Variants in PTPRM observed in about 807,000 individuals in gnomAD.
PTPRM encodes the protein receptor-type tyrosine-protein phosphatase mu.
A neutral mutation model predicts 186.7 loss-of-function variants in PTPRM; 47 were observed. The ratio of observed to expected loss-of-function variants is 0.25; its 90% CI spans 0.20 to 0.32. PTPRM has a LOEUF of 0.32. PTPRM is among the 10% of genes least tolerant of loss of function. PTPRM has a pLI of 1.00. For missense variants in PTPRM, 1,494 were observed against 1,865.0 expected (o/e 0.80, Z 3.66); for synonymous variants, 668 against 674.9 (o/e 0.99, Z 0.16).
At chr18:7,977,138 G>T in intron 7 of PTPRM, among the ~76,000 whole-genome samples, 1 of 151,986 alleles carries the variant, frequency 6.6e-6, no homozygotes, top group East Asian at 1.9e-4. Flanking sequence ...TGCCCAGGCT[G>T]GAGTGCAATG....
intron 14 of PTPRM, 88 bp downstream of exon 14, chr18:8,143,867 C>G: frequency 1.3e-6 from 2 of 1,501,544 alleles, no homozygotes. Flanking sequence ...AGTTACTGAA[C>G]TGGCTTTGAT....
At chr18:7,577,317 G>A (rs2036713558) in intron 1 of PTPRM, among the ~76,000 whole-genome samples, 1 of 152,090 alleles carries the variant, frequency 6.6e-6, no homozygotes. Context: ...CTATAAAGTA[G>A]CATTTTGATA....
chr18:7,591,937 G>A (rs1219687800), intron 1 of PTPRM, among the ~76,000 whole-genome samples: 4 of 152,052 alleles, frequency 2.6e-5, no homozygotes, highest in Non-Finnish European at 5.9e-5. Context: ...CAACCTCAGG[G>A]GGCTCTCCCT....
At chr18:7,642,588 C>T (rs576506698) in intron 1 of PTPRM, among the ~76,000 whole-genome samples, 8 of 152,094 alleles carry the variant, frequency 5.3e-5, no homozygotes, top group South Asian at 2.1e-4. Flanking sequence ...AATAAAAGAC[C>T]GCCTGGAGCT....
intron 23 of PTPRM, among the ~76,000 whole-genome samples, chr18:8,344,385 T>G (rs904230624): frequency 1.3e-5 from 2 of 149,026 alleles, no homozygotes; most frequent in African/African-American, 5.0e-5. Flanking sequence ...GTAAGTAGGA[T>G]ATATATATAT....
At chr18:8,371,083 A>T in intron 24 of PTPRM, 77 bp downstream of exon 24, 1 of 808,416 alleles carries the variant, frequency 1.2e-6, no homozygotes, top group South Asian at 1.9e-5. Context: ...CTTACCTAGG[A>T]TACTTTACAC....
chr18:7,859,596 C>T (rs548573615), intron 2 of PTPRM, among the ~76,000 whole-genome samples: 2 of 152,344 alleles, frequency 1.3e-5, no homozygotes, highest in African/African-American at 4.8e-5. Context: ...GTTCCCATAA[C>T]CCTGGCCTGC....
At chr18:8,028,971 C>G (rs1190184854) in intron 7 of PTPRM, among the ~76,000 whole-genome samples, 1 of 152,194 alleles carries the variant, frequency 6.6e-6, no homozygotes, top group Non-Finnish European at 1.5e-5. Context: ...CCACTGAATC[C>G]CTCAGGAAAT....
chr18:8,172,848 G>A (rs967471128), intron 14 of PTPRM, among the ~76,000 whole-genome samples: 2 of 152,136 alleles, frequency 1.3e-5, no homozygotes, highest in African/African-American at 4.8e-5. Context: ...TCTCGAAAGG[G>A]TCCCAGATGA....
chr18:7,758,184 G>A (rs1212959174), intron 1 of PTPRM, among the ~76,000 whole-genome samples: 1 of 152,168 alleles, frequency 6.6e-6, no homozygotes, highest in Non-Finnish European at 1.5e-5. Context: ...CTCTAAGAAA[G>A]GAATTATAAA....
At chr18:8,120,673 T>A (rs1321767098) in intron 13 of PTPRM, among the ~76,000 whole-genome samples, 1 of 151,988 alleles carries the variant, frequency 6.6e-6, no homozygotes, top group African/African-American at 2.4e-5. Flanking sequence ...TTTTTGTAAT[T>A]TTTTTAGAGA....
At chr18:7,930,857 A>C (rs1457863867) in intron 5 of PTPRM, among the ~76,000 whole-genome samples, 7 of 152,100 alleles carry the variant, frequency 4.6e-5, no homozygotes, top group Admixed American at 3.3e-4. Flanking sequence ...TGATGATGAC[A>C]CTAATGAAGA....
chr18:7,824,375 G>A (rs1321311708), intron 2 of PTPRM, among the ~76,000 whole-genome samples: 3 of 152,106 alleles, frequency 2.0e-5, no homozygotes, highest in African/African-American at 7.2e-5. Context: ...GGGGTCTCAG[G>A]TGCACCAGGC....
At chr18:8,351,178 C>G (rs563129602) in intron 23 of PTPRM, among the ~76,000 whole-genome samples, 2 of 152,248 alleles carry the variant, frequency 1.3e-5, no homozygotes, top group African/African-American at 4.8e-5. Flanking sequence ...GAAGGAAACC[C>G]GACCTGATTA....
chr18:7,995,736 T>G (rs1302019526), intron 7 of PTPRM: 1 of 152,208 alleles, frequency 6.6e-6, no homozygotes, highest in East Asian at 1.9e-4. Flanking sequence ...TGATGATTGT[T>G]CTTGTCTTCC....
chr18:7,958,233 A>T (rs1297628878), intron 7 of PTPRM, among the ~76,000 whole-genome samples: 1 of 151,068 alleles, frequency 6.6e-6, no homozygotes, highest in Non-Finnish European at 1.5e-5. Context: ...AAAATCCTAA[A>T]ATAATCTTAG....
At chr18:7,924,134 A>T (rs1221731897) in intron 4 of PTPRM, among the ~76,000 whole-genome samples, 1 of 152,192 alleles carries the variant, frequency 6.6e-6, no homozygotes. Flanking sequence ...TTCAGTGATG[A>T]TAGTAGTGTC....
chr18:8,379,425 C>A, intron 28 of PTPRM, 85 bp downstream of exon 28: 1 of 1,318,128 alleles, frequency 7.6e-7, no homozygotes, highest in South Asian at 1.8e-5. Context: ...CCATTCTGCT[C>A]ACCAGCCCTT....
intron 32 of PTPRM, among the ~76,000 whole-genome samples, chr18:8,401,170 C>T (rs1030369935): frequency 1.3e-5 from 2 of 152,178 alleles, no homozygotes; most frequent in South Asian, 4.1e-4. Flanking sequence ...GCAGCCAGAC[C>T]TGAGTCCAAC....
Sources: gnomAD v4.1 joint callset for allele counts (sites outside exome capture counted in the v4.1 genomes callset) on GRCh38, gnomAD v4.1.1 for gene constraint, MANE v1.5 for transcripts, NCBI Gene and HGNC (gene_info 2026-07-23, HGNC 2026-07-21) for gene names.